MAP4K5: variants seen among roughly 807,000 people sequenced by gnomAD.
MAP4K5 encodes mitogen-activated protein kinase kinase kinase kinase 5.
In MAP4K5, 82 loss-of-function variants were observed where a neutral mutation model predicts 135.6. The ratio of observed to expected loss-of-function variants is 0.60; its 90% CI spans 0.51 to 0.73. The LOEUF is 0.73. Ranked by LOEUF, MAP4K5 falls within the 30% of genes least tolerant of loss-of-function variation. MAP4K5 has a pLI of 0.00. For missense variants in MAP4K5, 907 were observed against 1,010.9 expected (o/e 0.90, Z 1.39); for synonymous variants, 347 against 335.0 (o/e 1.04, Z -0.39).
chr14:50,524,694 C>A (rs376622009), intron 2 of MAP4K5, among the ~76,000 whole-genome samples: 14 of 150,890 alleles, frequency 9.3e-5, no homozygotes, highest in Non-Finnish European at 1.9e-4. Flanking sequence ...TAAAGGAATA[C>A]CTGCAAAAAT....
upstream of MAP4K5, among the ~76,000 whole-genome samples, chr14:50,533,911 T>C (rs1199469698): frequency 3.9e-5 from 6 of 152,208 alleles, no homozygotes; most frequent in African/African-American, 1.4e-4. Flanking sequence ...GGGCACTTAT[T>C]TGGGGAACAT....
At chr14:50,458,402 C>T (rs909610053) in intron 13 of MAP4K5, among the ~76,000 whole-genome samples, 2 of 152,130 alleles carry the variant, frequency 1.3e-5, no homozygotes, top group African/African-American at 4.8e-5. Context: ...CCAGCTTATT[C>T]TCTTCCAGCT....
intron 17 of MAP4K5, 118 bp from the exon 18 acceptor site, chr14:50,445,312 T>TA (rs1595445280): frequency 1.2e-6 from 1 of 813,294 alleles, no homozygotes; most frequent in East Asian, 2.8e-5. Flanking sequence ...CTGGGCTAAG[T>TA]GAGCAAAGTA....
intron 3 of MAP4K5, among the ~76,000 whole-genome samples, chr14:50,492,387 T>C (rs1285919126): frequency 6.6e-6 from 1 of 150,376 alleles, no homozygotes; most frequent in African/African-American, 2.4e-5. Context: ...AGCCCAGGAG[T>C]TCAAGACCAG....
chr14:50,531,836 G>A, intron 2 of MAP4K5, 106 bp downstream of exon 2: 1 of 861,676 alleles, frequency 1.2e-6, no homozygotes, highest in Non-Finnish European at 1.9e-6. Flanking sequence ...TCCCCAAGAG[G>A]CAACAATAAA....
At chr14:50,420,480 T>A (rs1235881658) in intron 32 of MAP4K5, among the ~76,000 whole-genome samples, 1 of 151,178 alleles carries the variant, frequency 6.6e-6, no homozygotes, top group African/African-American at 2.4e-5. Context: ...AAAAAAATAA[T>A]AATTAGCTGG....
intron 32 of MAP4K5, among the ~76,000 whole-genome samples, chr14:50,421,311 T>G (rs1029272133): frequency 9.9e-5 from 15 of 151,974 alleles, no homozygotes; most frequent in Admixed American, 3.9e-4. Context: ...CAGGCTGGAG[T>G]GCAATGGCGT....
chr14:50,494,648 G>T (rs1159962658), intron 3 of MAP4K5, among the ~76,000 whole-genome samples: 1 of 152,086 alleles, frequency 6.6e-6, no homozygotes, highest in Non-Finnish European at 1.5e-5. Flanking sequence ...AACAAAGTTG[G>T]AAGACTCATG....
chr14:50,548,412 C>T (rs1375569754), intron 1 of MAP4K5, among the ~76,000 whole-genome samples: 1 of 152,164 alleles, frequency 6.6e-6, no homozygotes, highest in Non-Finnish European at 1.5e-5. Context: ...GCCACAGGAT[C>T]CTTTTGTATT....
At chr14:50,483,210 G>A (rs546641357) in intron 5 of MAP4K5, 1 of 152,120 alleles carries the variant, frequency 6.6e-6, no homozygotes, top group Non-Finnish European at 1.5e-5. Context: ...TATCAAAAGA[G>A]AGGCTTGATC....
rs368497445 is a variant in MAP4K5, at chr14:50,462,700, C to T, written c.901G>A (p.Ala301Thr). Residue 301 changes from alanine to threonine, a missense_variant, in exon 13 of 33, where the codon GCA becomes ACA. By Grantham distance (58) the Ala-to-Thr change is moderately conservative. Transcript: ENST00000682126. ...LDKVNNPDNH[A>T]HYTEADDDDF... ...TCGTCATCTGCTTCAGTGTAATGTGCGTGGTTATCTGGATTGTTCACTTTG... is the reference window on the plus strand; with the variant it reads ...TCGTCATCTGCTTCAGTGTAATGTGTGTGGTTATCTGGATTGTTCACTTTG... 7.5e-6 allele frequency: 12 copies of T among 1,605,350 alleles called. No homozygotes were observed. Among genetic ancestry groups the T allele is most frequent in the South Asian group, 5.6e-5 (5 of 89,242 alleles).
At chr14:50,465,466 A>G (rs1330772905) in intron 11 of MAP4K5, among the ~76,000 whole-genome samples, 1 of 152,254 alleles carries the variant, frequency 6.6e-6, no homozygotes, top group Non-Finnish European at 1.5e-5. Context: ...CTATAAAGAT[A>G]GGTAAACTGC....
chr14:50,431,335 C>A (rs1474711591), intron 28 of MAP4K5, among the ~76,000 whole-genome samples: 1 of 152,074 alleles, frequency 6.6e-6, no homozygotes, highest in Non-Finnish European at 1.5e-5. Flanking sequence ...CATGTGCCAT[C>A]TGGTGCGCTG....
intron 32 of MAP4K5, among the ~76,000 whole-genome samples, chr14:50,421,514 G>T (rs147914760): frequency 1.3e-5 from 2 of 151,674 alleles, no homozygotes; most frequent in Non-Finnish European, 2.9e-5. Context: ...CACCTGCGTC[G>T]GCCTCCTGAA....
At chr14:50,455,842 A>T (rs896877756) in intron 14 of MAP4K5, among the ~76,000 whole-genome samples, 1 of 152,132 alleles carries the variant, frequency 6.6e-6, no homozygotes, top group Non-Finnish European at 1.5e-5. Flanking sequence ...TAAACCAGAG[A>T]ACTAAAACGT....
rs1194669006 is a variant in MAP4K5 at position 50,466,381 on chromosome 14, C to CAAA, written c.737+199_737+201dup. ...TGGATAACACAGCAAAATCCTGTCT[C>CAAA]AAAAAAAAAAAAAAAAAAAAAAAAC... On this transcript the variant is annotated intron_variant, in intron 11 of 32. Coordinates refer to ENST00000682126, the MANE Select transcript of MAP4K5 (RefSeq NM_006575.6). Among the ~76,000 whole-genome samples, 430 of 54,282 alleles carry CAAA rather than the reference C, an allele frequency of 7.9e-3. 8 individuals are homozygous for CAAA. Among genetic ancestry groups the CAAA allele is most frequent in the African/African-American group, 0.028 (374 of 13,126 alleles). 35.6% of individuals were successfully genotyped at this position (54,282 alleles called of 152,430 possible).
At chr14:50,478,278 TTCTTC>T (rs1247946114) in intron 6 of MAP4K5, among the ~76,000 whole-genome samples, 6 of 39,404 alleles carry the variant, frequency 1.5e-4, no homozygotes, top group East Asian at 1.5e-3. Flanking sequence ...TATCACTTGT[TTCTTC>T]TCTTTTTACT....
At chr14:50,496,259 G>A (rs1408346497) in intron 3 of MAP4K5, among the ~76,000 whole-genome samples, 1 of 152,222 alleles carries the variant, frequency 6.6e-6, no homozygotes, top group African/African-American at 2.4e-5. Flanking sequence ...CCGGGAGGTG[G>A]AGGTTGCAGT....
intron 3 of MAP4K5, among the ~76,000 whole-genome samples, chr14:50,499,593 G>A (rs11849679): frequency 0.02 from 3,062 of 151,964 alleles, 104 homozygotes; most frequent in African/African-American, 0.07. Flanking sequence ...GGTTGGCAAA[G>A]GTTGCAGTGA....
Sources: allele counts gnomAD v4.1 joint callset (sites outside exome capture counted in the v4.1 genomes callset), GRCh38; gene constraint gnomAD v4.1.1; transcripts MANE v1.5; gene names NCBI Gene and HGNC (gene_info 2026-07-23, HGNC 2026-07-21).